The following GRID1 variants were observed in gnomAD, a reference collection of about 807,000 sequenced individuals.
GRID1 encodes the protein glutamate receptor ionotropic, delta-1.
Under a neutral mutation model 98.0 loss-of-function variants are expected in GRID1, and 28 were observed. The observed-to-expected ratio is 0.29, with a 90% confidence interval of 0.21 to 0.39. The LOEUF (loss-of-function observed/expected upper bound fraction) is 0.39. GRID1 is among the 10% of genes least tolerant of loss of function. GRID1 has a pLI of 1.00. For missense variants in GRID1, 1,111 were observed against 1,340.5 expected, an observed-to-expected ratio of 0.83 and a Z score of 2.67; for synonymous variants, 553 against 538.5, an observed-to-expected ratio of 1.03 and a Z score of -0.37.
intron 8 of GRID1, among the ~76,000 whole-genome samples, chr10:85,805,048 A>G (rs540912990): frequency 1.3e-5 from 2 of 151,682 alleles, no homozygotes; most frequent in East Asian, 3.9e-4. Flanking sequence ...TTTTGGTCAT[A>G]TATCTAAAAA....
intron 12 of GRID1, among the ~76,000 whole-genome samples, chr10:85,701,391 AG>A (rs1313441166): frequency 1.3e-5 from 2 of 150,670 alleles, no homozygotes; most frequent in Admixed American, 1.3e-4. Context: ...GAAAAAAAAA[AG>A]GTTACAAAAA....
chr10:85,935,116 A>G (rs568651827), intron 4 of GRID1, among the ~76,000 whole-genome samples: 7 of 152,192 alleles, frequency 4.6e-5, no homozygotes, highest in Non-Finnish European at 7.3e-5. Flanking sequence ...ACTTCCCTGA[A>G]TCCTTACAGT....
intron 10 of GRID1, among the ~76,000 whole-genome samples, chr10:85,725,190 T>G (rs1049737664): frequency 6.6e-6 from 1 of 152,232 alleles, no homozygotes; most frequent in Non-Finnish European, 1.5e-5. Context: ...TATGGTGAGT[T>G]CTACAACTAT....
chr10:85,901,438 C>T (rs535941656), intron 5 of GRID1, among the ~76,000 whole-genome samples: 64 of 151,910 alleles, frequency 4.2e-4, no homozygotes, highest in Non-Finnish European at 8.1e-4. Flanking sequence ...TTAGTAGAGA[C>T]GGGGTTTCAC....
intron 2 of GRID1, among the ~76,000 whole-genome samples, chr10:86,239,144 C>T: frequency 6.6e-6 from 1 of 152,238 alleles, no homozygotes; most frequent in Non-Finnish European, 1.5e-5. Context: ...TGCGAGCCCA[C>T]CCTTTGTATT....
rs1002704684 is a variant in GRID1, at chr10:86,155,154, G to A, written c.521-16130C>T. On this transcript the variant is annotated intron_variant, in intron 3 of 15. Coordinates refer to ENST00000327946, the MANE Select transcript of GRID1 (RefSeq NM_017551.3). ...ATAATCAAAAATAAATCCACACTCTGCCAGATGCCCTCTGCCCAGGCCAGC... is the reference window on the plus strand; with the variant it reads ...ATAATCAAAAATAAATCCACACTCTACCAGATGCCCTCTGCCCAGGCCAGC... 3.3e-5 allele frequency among the ~76,000 whole-genome samples: 5 copies of A among 152,258 alleles called. No homozygotes were observed. The South Asian group carries it at 1.0e-3, about 32-fold the overall frequency.
chr10:85,843,088 A>G (rs1842974910), intron 8 of GRID1, among the ~76,000 whole-genome samples: 1 of 152,086 alleles, frequency 6.6e-6, no homozygotes, highest in Admixed American at 6.6e-5. Context: ...TCATAAAGAT[A>G]GGCACATTGA....
chr10:85,824,892 T>C (rs1226657059), intron 8 of GRID1, among the ~76,000 whole-genome samples: 3 of 152,258 alleles, frequency 2.0e-5, no homozygotes, highest in Admixed American at 6.5e-5. Flanking sequence ...TTCTCTTTTA[T>C]GGCTCAGTAG....
At chr10:85,986,352 G>A (rs1842608492) in intron 4 of GRID1, among the ~76,000 whole-genome samples, 1 of 152,230 alleles carries the variant, frequency 6.6e-6, no homozygotes, top group African/African-American at 2.4e-5. Context: ...GAGAGCCCTT[G>A]ATGGGCACTG....
chr10:85,773,722 C>G (rs1027206690), intron 8 of GRID1, among the ~76,000 whole-genome samples: 1 of 152,280 alleles, frequency 6.6e-6, no homozygotes, highest in African/African-American at 2.4e-5. Flanking sequence ...CTCTCATTTA[C>G]AATTGCTTCA....
At chr10:85,966,333 T>C (rs1842335721) in intron 4 of GRID1, among the ~76,000 whole-genome samples, 1 of 152,160 alleles carries the variant, frequency 6.6e-6, no homozygotes, top group Non-Finnish European at 1.5e-5. Context: ...CCTGGATATT[T>C]AGGACACACC....
intron 8 of GRID1, among the ~76,000 whole-genome samples, chr10:85,833,469 C>G (rs1195751013): frequency 6.7e-6 from 1 of 149,230 alleles, no homozygotes; most frequent in East Asian, 2.0e-4. Context: ...GAAAGCACAG[C>G]AGATAAAAGT....
chr10:86,245,325 G>A (rs1420653769), intron 2 of GRID1, among the ~76,000 whole-genome samples: 1 of 152,148 alleles, frequency 6.6e-6, no homozygotes, highest in Non-Finnish European at 1.5e-5. Context: ...CCCATGCTGG[G>A]GCTCATGTCC....
chr10:86,119,065 A>T lies in GRID1; in HGVS notation c.726+19754T>A, dbSNP rs962625679. Among the ~76,000 whole-genome samples the T allele has an allele frequency of 2.0e-5, 3 of 152,344 alleles. No individual in the cohort carries two copies. In the East Asian group the frequency reaches 5.8e-4, roughly 29 times the overall value. On this transcript the variant is annotated intron_variant, in intron 4 of 15. Coordinates refer to ENST00000327946, the MANE Select transcript of GRID1 (RefSeq NM_017551.3). ...AACTAAGAAAATATAGGCCGGGCAC[A>T]GTGGCTCATGCTGTAATCCCAGCAC...
intron 12 of GRID1, among the ~76,000 whole-genome samples, chr10:85,701,854 T>C (rs1841454948): frequency 6.6e-6 from 1 of 152,048 alleles, no homozygotes; most frequent in African/African-American, 2.4e-5. Context: ...CAAGGGATAG[T>C]AAAGTGCAGT....
intron 3 of GRID1, among the ~76,000 whole-genome samples, chr10:86,177,388 G>C (rs1159679995): frequency 6.6e-6 from 1 of 152,132 alleles, no homozygotes; most frequent in African/African-American, 2.4e-5. Flanking sequence ...GAGAGAGACA[G>C]AGAGAGATCC....
chr10:86,097,749 C>A (rs1367667798), intron 4 of GRID1, among the ~76,000 whole-genome samples: 1 of 152,126 alleles, frequency 6.6e-6, no homozygotes, highest in African/African-American at 2.4e-5. Context: ...TGGACAGATA[C>A]ATATTGAACT....
chr10:86,320,097 G>A (rs756483221), intron 2 of GRID1, among the ~76,000 whole-genome samples: 16 of 152,324 alleles, frequency 1.1e-4, no homozygotes, highest in Middle Eastern at 3.4e-3. Context: ...GGCAGAGCGC[G>A]AAAACTCAAT....
chr10:86,272,875 C>T (rs996357341), intron 2 of GRID1, among the ~76,000 whole-genome samples: 2 of 152,104 alleles, frequency 1.3e-5, no homozygotes, highest in Non-Finnish European at 2.9e-5. Context: ...TCTCTAGGCA[C>T]ACTAATCTCT....
Sources: allele counts gnomAD v4.1 joint callset (sites outside exome capture counted in the v4.1 genomes callset), GRCh38; gene constraint gnomAD v4.1.1; transcripts MANE v1.5; gene names NCBI Gene and HGNC (gene_info 2026-07-23, HGNC 2026-07-21).